Variants in NCOA1 observed in about 807,000 individuals in gnomAD.
The protein encoded by NCOA1 is nuclear receptor coactivator 1, also known as Hin-2 protein.
NCOA1 carries 35 observed loss-of-function variants against 150.9 expected under a neutral mutation model. That is an observed-to-expected ratio of 0.23 (90% CI 0.18 to 0.31). NCOA1 has a LOEUF of 0.31. Ranked by LOEUF, NCOA1 falls within the 10% of genes least tolerant of loss-of-function variation. The probability of loss-of-function intolerance (pLI) is 1.00; values close to 1 mark genes in which losing one functional copy is unlikely to be tolerated. For missense variants in NCOA1, 1,491 were observed against 1,749.3 expected (o/e 0.85, Z 2.63); for synonymous variants, 590 against 630.0 (o/e 0.94, Z 0.95).
intron 14 of NCOA1, among the ~76,000 whole-genome samples, chr2:24,718,145 C>T (rs1333255186): frequency 6.6e-6 from 1 of 152,084 alleles, no homozygotes; most frequent in African/African-American, 2.4e-5. Flanking sequence ...AGTGATCCAC[C>T]CGCCTTGGCT....
At chr2:24,620,905 A>G (rs1669119275) in intron 3 of NCOA1, among the ~76,000 whole-genome samples, 2 of 152,204 alleles carry the variant, frequency 1.3e-5, no homozygotes, top group African/African-American at 4.8e-5. Flanking sequence ...TAAGAATTGC[A>G]TATGTGTGAC....
chr2:24,507,086 A>G (rs1451770786), intron 1 of NCOA1, among the ~76,000 whole-genome samples: 3 of 152,152 alleles, frequency 2.0e-5, no homozygotes, highest in Non-Finnish European at 4.4e-5. Flanking sequence ...TTAGCGGCTC[A>G]TCTGGAGGAC....
chr2:24,536,594 A>G (rs1041421172), intron 1 of NCOA1, among the ~76,000 whole-genome samples: 3 of 151,852 alleles, frequency 2.0e-5, no homozygotes, highest in African/African-American at 7.3e-5. Context: ...GGTTTTATCT[A>G]CCTTTGGTCT....
At chr2:24,710,900 T>C (rs902270068) in intron 13 of NCOA1, 31 bp from the exon 14 acceptor site, 1 of 1,602,592 alleles carries the variant, frequency 6.2e-7, no homozygotes, top group Non-Finnish European at 8.5e-7. Flanking sequence ...GTGTAAAATA[T>C]ATTTCCTCTA....
At chr2:24,764,078 A>G (rs914933924) in intron 22 of NCOA1, among the ~76,000 whole-genome samples, 5 of 152,238 alleles carry the variant, frequency 3.3e-5, no homozygotes, top group African/African-American at 1.2e-4. Context: ...TTTGCCAGGC[A>G]CTGTGCTATG....
At chr2:24,690,651 C>CAAAAAAAAAAAAAAAAAAAAAAAAAAAAA (rs70947837) in intron 8 of NCOA1, among the ~76,000 whole-genome samples, 6 of 38,444 alleles carry the variant, frequency 1.6e-4, no homozygotes, top group African/African-American at 1.3e-4. Context: ...GATTCCATCT[C>CAAAAAAAAAAAAAAAAAAAAAAAAAAAAA]AAAAAAAAAA....
chr2:24,678,032 C>T (rs986794564), intron 7 of NCOA1, among the ~76,000 whole-genome samples: 13 of 152,066 alleles, frequency 8.5e-5, no homozygotes, highest in African/African-American at 2.9e-4. Context: ...TACTCCCCCT[C>T]CTGCCACCCC....
intron 17 of NCOA1, among the ~76,000 whole-genome samples, chr2:24,736,809 T>A (rs1663333518): frequency 6.6e-6 from 1 of 152,198 alleles, no homozygotes; most frequent in African/African-American, 2.4e-5. Flanking sequence ...CCTCTCTTAG[T>A]TGTGTCAGCG....
chr2:24,581,551 G>A (rs1239686351), intron 2 of NCOA1, among the ~76,000 whole-genome samples: 1 of 152,174 alleles, frequency 6.6e-6, no homozygotes, highest in African/African-American at 2.4e-5. Context: ...TCTTTGCCTG[G>A]AGAGAACAGG....
At chr2:24,690,662 A>C (rs1672625517) in intron 8 of NCOA1, among the ~76,000 whole-genome samples, 1 of 146,952 alleles carries the variant, frequency 6.8e-6, no homozygotes. Context: ...AAAAAAAAAA[A>C]AAAAAAAAAA....
chr2:24,517,949 C>A (rs909461590), intron 1 of NCOA1, among the ~76,000 whole-genome samples: 27 of 152,074 alleles, frequency 1.8e-4, no homozygotes, highest in African/African-American at 6.5e-4. Context: ...TACATAGTTC[C>A]TTCTGGTAGT....
chr2:24,512,227 A>G (rs17790994), intron 1 of NCOA1, among the ~76,000 whole-genome samples: 1 of 152,242 alleles, frequency 6.6e-6, no homozygotes, highest in South Asian at 2.1e-4. Flanking sequence ...AGTGTGTTGT[A>G]CTATAATACA....
intron 1 of NCOA1, among the ~76,000 whole-genome samples, chr2:24,542,539 T>C (rs986454935): frequency 4.6e-5 from 7 of 152,260 alleles, no homozygotes; most frequent in Admixed American, 1.3e-4. Context: ...TAATTTTTGC[T>C]TTAGGTTAAA....
intron 1 of NCOA1, among the ~76,000 whole-genome samples, chr2:24,533,577 G>A (rs1007349641): frequency 1.3e-5 from 2 of 152,166 alleles, no homozygotes; most frequent in Non-Finnish European, 2.9e-5. Context: ...GATATTGGCT[G>A]TGGGTTTCTC....
chr2:24,552,784 A>T (rs1223343084), intron 1 of NCOA1, among the ~76,000 whole-genome samples: 1 of 152,206 alleles, frequency 6.6e-6, no homozygotes, highest in Non-Finnish European at 1.5e-5. Flanking sequence ...CGTTACTACC[A>T]CTAGAAGTAC....
intron 11 of NCOA1, among the ~76,000 whole-genome samples, chr2:24,704,721 C>G (rs547206483): frequency 1.2e-4 from 18 of 151,530 alleles, no homozygotes; most frequent in Admixed American, 4.6e-4. Context: ...TGCAGTGAGC[C>G]GAGATCGTGC....
At position 24,758,068 on chromosome 2, in the gene NCOA1, C is replaced by T. The variant is rs759588390; in HGVS notation, c.3977C>T (p.Thr1326Met). The change falls in exon 21 of 23, where the codon ACG (threonine) becomes ATG (methionine). Residue 1326 changes from threonine to methionine, a missense_variant. By Grantham distance (81) the Thr-to-Met change is moderately conservative. Coordinates refer to ENST00000348332, the MANE Select transcript of NCOA1 (RefSeq NM_003743.5). ...ACCGTTTCCATGGCAGGTGGAAATA[C>T]GAATGTTCAGAACATGAACCCAATG... ...SITVSMAGGN[T>M]NVQNMNPMMA... 7.4e-6 allele frequency: 12 copies of T among 1,613,914 alleles called. No homozygotes were observed. The highest frequency in any genetic ancestry group is 2.2e-5 in the South Asian group (2 of 91,076).
intron 2 of NCOA1, among the ~76,000 whole-genome samples, chr2:24,574,860 C>T (rs1417889879): frequency 2.0e-5 from 3 of 151,948 alleles, no homozygotes; most frequent in Non-Finnish European, 2.9e-5. Context: ...TCATGCATAC[C>T]TTTGTTTTTC....
chr2:24,507,787 C>T (rs973194524), intron 1 of NCOA1, among the ~76,000 whole-genome samples: 6 of 151,920 alleles, frequency 3.9e-5, no homozygotes, highest in Admixed American at 3.9e-4. Flanking sequence ...AATGTGTGTT[C>T]CTTCTCTTAT....
Sources: allele counts gnomAD v4.1 joint callset (sites outside exome capture counted in the v4.1 genomes callset), GRCh38; gene constraint gnomAD v4.1.1; transcripts MANE v1.5; gene names NCBI Gene and HGNC (gene_info 2026-07-23, HGNC 2026-07-21).